Variants in CHD7 observed in about 807,000 individuals in gnomAD.
CHD7 encodes the protein chromodomain helicase DNA binding protein 7.
A neutral mutation model predicts 307.3 loss-of-function variants in CHD7; 24 were observed. The ratio of observed to expected loss-of-function variants is 0.08; its 90% confidence interval spans 0.06 to 0.11. The LOEUF (loss-of-function observed/expected upper bound fraction) is 0.11, where lower values mean the gene tolerates loss of function less well. CHD7 is among the 10% of genes least tolerant of loss of function. The probability of loss-of-function intolerance (pLI) is 1.00; values close to 1 mark genes in which losing one functional copy is unlikely to be tolerated. For missense variants in CHD7, 3,106 were observed against 3,727.1 expected (o/e 0.83, Z 4.34); for synonymous variants, 1,363 against 1,349.9 (o/e 1.01, Z -0.21).
intron 1 of CHD7, among the ~76,000 whole-genome samples, chr8:60,714,637 A>T (rs1807486377): frequency 6.6e-6 from 1 of 152,072 alleles, no homozygotes; most frequent in Non-Finnish European, 1.5e-5. Flanking sequence ...TCTTGGCCTC[A>T]GGTGCTGCAC....
In CHD7 at chr8:60,821,866, A is replaced by G; in HGVS notation, c.2774A>G (p.Asp925Gly). ...ACGTGGGAGCGGAGGCAGGACATAG[A>G]TCAAGCAAAGATCGAGGAGTTTGAG... The part of the protein sequence containing the change: ...DSTWERRQDI[D>G]QAKIEEFEKL... The change falls in exon 10 of 38, where the codon GAT (aspartate) becomes GGT (glycine). Residue 925 changes from aspartate to glycine, a missense_variant. Coordinates refer to ENST00000423902, the MANE Select transcript of CHD7 (RefSeq NM_017780.4). 6.2e-7 allele frequency: 1 copy of G among 1,606,208 alleles called. No individual in the cohort carries two copies. The highest frequency in any genetic ancestry group is 8.5e-7 in the Non-Finnish European group (1 of 1,175,934).
At chr8:60,837,988 CTCTT>C (rs1328075796) in intron 18 of CHD7, 84 bp from the exon 19 acceptor site, 1 of 1,283,888 alleles carries the variant, frequency 7.8e-7, no homozygotes, top group African/African-American at 1.5e-5. Flanking sequence ...TAGGTTTACT[CTCTT>C]TGAGAAAAAT....
At chr8:60,813,081 G>A (rs1205793991) in intron 7 of CHD7, among the ~76,000 whole-genome samples, 1 of 152,068 alleles carries the variant, frequency 6.6e-6, no homozygotes, top group Non-Finnish European at 1.5e-5. Flanking sequence ...TTTGTGTCTT[G>A]TAAGAGTTTT....
At chr8:60,823,772 T>C (rs1211565047) in intron 12 of CHD7, 68 bp from the exon 13 acceptor site, 1 of 1,270,124 alleles carries the variant, frequency 7.9e-7, no homozygotes, top group East Asian at 2.4e-5. Flanking sequence ...TTTTATGCTA[T>C]TTATTCATCC....
At position 60,850,615 on chromosome 8, in the gene CHD7, G is replaced by A. The variant is rs1563657571; in HGVS notation, c.5527G>A (p.Gly1843Ser). 22 of 1,611,582 alleles carry A rather than the reference G, an allele frequency of 1.4e-5. No individual in the cohort carries two copies. The highest frequency in any genetic ancestry group is 1.9e-5 in the Non-Finnish European group (22 of 1,178,728). The stretch of plus-strand genomic sequence containing the variant: ...AGGAACAGACATGCTAGCAGATGGT[G>A]GTGACGGGTAAGAAGGACATTTTAA... ...QRGTDMLADG[G>S]DGGEFDREDE... Residue 1843 changes from glycine to serine, a missense_variant, in exon 26 of 38, where the codon GGT (glycine) becomes AGT (serine). By Grantham distance (56) the Gly-to-Ser change is moderately conservative (BLOSUM62 0). Coordinates refer to ENST00000423902, the MANE Select transcript of CHD7 (RefSeq NM_017780.4).
At chr8:60,829,443 A>T (rs1054957353) in intron 14 of CHD7, among the ~76,000 whole-genome samples, 4 of 152,188 alleles carry the variant, frequency 2.6e-5, no homozygotes, top group Non-Finnish European at 5.9e-5. Context: ...ACTAAAAAAA[A>T]TACAAAAATT....
intron 2 of CHD7, among the ~76,000 whole-genome samples, chr8:60,772,782 A>G (rs1810773002): frequency 6.6e-6 from 1 of 152,262 alleles, no homozygotes; most frequent in East Asian, 1.9e-4. Flanking sequence ...GTTAAGGCCC[A>G]TGAACATACT....
intron 2 of CHD7, among the ~76,000 whole-genome samples, chr8:60,776,597 A>C (rs2150659211): frequency 6.6e-6 from 1 of 152,336 alleles, no homozygotes; most frequent in East Asian, 1.9e-4. Flanking sequence ...CTTTCCCAGC[A>C]GGTACTATGG....
At chr8:60,851,670 C>T (rs994915330) in intron 28 of CHD7, among the ~76,000 whole-genome samples, 43 of 152,066 alleles carry the variant, frequency 2.8e-4, no homozygotes, top group African/African-American at 1.0e-3. Flanking sequence ...GACCTTTTAC[C>T]GAATATAAAA....
At chr8:60,810,963 C>T (rs945600647) in intron 7 of CHD7, among the ~76,000 whole-genome samples, 4 of 152,152 alleles carry the variant, frequency 2.6e-5, no homozygotes, top group Non-Finnish European at 4.4e-5. Context: ...CTCATAGGAA[C>T]GTGAACTCTG....
At chr8:60,802,530 AACTT>A (rs1366556609) in intron 6 of CHD7, among the ~76,000 whole-genome samples, 1 of 152,198 alleles carries the variant, frequency 6.6e-6, no homozygotes, top group Non-Finnish European at 1.5e-5. Context: ...ATGTAAAACA[AACTT>A]TAAAAAATAA....
intron 1 of CHD7, among the ~76,000 whole-genome samples, chr8:60,738,966 A>T (rs1429799243): frequency 6.6e-6 from 1 of 152,200 alleles, no homozygotes; most frequent in East Asian, 1.9e-4. Flanking sequence ...TTCCCTACTC[A>T]TGCGCATAGG....
At chr8:60,862,674 A>C in intron 37 of CHD7, 22 bp downstream of exon 37, 1 of 1,469,222 alleles carries the variant, frequency 6.8e-7, no homozygotes, top group African/African-American at 1.4e-5. Flanking sequence ...CTGCATTTCT[A>C]TCAAGAAAGG....
At position 60,830,369 on chromosome 8, in the gene CHD7, C is replaced by T. The variant is rs752478875; in HGVS notation, c.3570C>T (p.Leu1190=). The part of the protein sequence containing the change: ...AILKPMMLRR[L]KEDVEKNLAP... ...TAAAGCCAATGATGTTGAGACGTCT[C>T]AAAGAGGATGTAGAAAAGAACTTGG... Residue 1190 remains leucine (L), a synonymous_variant, in exon 15 of 38, where the codon CTC becomes CTT. Transcript: ENST00000423902. 6.2e-7 allele frequency: 1 copy of T among 1,613,840 alleles called. No individual in the cohort carries two copies. Among genetic ancestry groups the T allele is most frequent in the South Asian group, 1.1e-5 (1 of 91,074 alleles).
At chr8:60,712,870 T>C (rs996176502) in intron 1 of CHD7, among the ~76,000 whole-genome samples, 9 of 151,812 alleles carry the variant, frequency 5.9e-5, no homozygotes, top group African/African-American at 2.2e-4. Context: ...GCTAATATGG[T>C]GAAACTCCTT....
At chr8:60,858,708 A>G (rs1332160064) in intron 34 of CHD7, among the ~76,000 whole-genome samples, 6 of 152,202 alleles carry the variant, frequency 3.9e-5, no homozygotes, top group Non-Finnish European at 7.3e-5. Flanking sequence ...TCTGGGCTCA[A>G]TTGATTCTCC....
chr8:60,784,861 C>T (rs1377354293), intron 3 of CHD7, among the ~76,000 whole-genome samples: 1 of 152,124 alleles, frequency 6.6e-6, no homozygotes, highest in Non-Finnish European at 1.5e-5. Flanking sequence ...GAAAAACGGG[C>T]CACATTCCTA....
At chr8:60,680,405 G>T (rs1213046187) in intron 1 of CHD7, among the ~76,000 whole-genome samples, 4 of 128,144 alleles carry the variant, frequency 3.1e-5, no homozygotes, top group Admixed American at 2.2e-4. Context: ...TCGCGGGGGG[G>T]GGGGGCGGGG....
intron 35 of CHD7, chr8:60,861,649 T>A (rs1248072061): frequency 6.5e-6 from 1 of 153,980 alleles, no homozygotes; most frequent in Non-Finnish European, 1.4e-5. Context: ...ACGAACTGTT[T>A]GCTAGCTAGC....
Sources: allele counts gnomAD v4.1 joint callset (sites outside exome capture counted in the v4.1 genomes callset), GRCh38; gene constraint gnomAD v4.1.1; transcripts MANE v1.5; gene names NCBI Gene and HGNC (gene_info 2026-07-23, HGNC 2026-07-21).